The following LZTFL1 variants were observed in gnomAD, a reference collection of about 807,000 sequenced individuals.
LZTFL1 encodes the protein leucine zipper transcription factor-like protein 1.
Under a neutral mutation model 45.9 loss-of-function variants are expected in LZTFL1, and 25 were observed. That is an observed-to-expected ratio of 0.54 (90% CI 0.40 to 0.76). The LOEUF (loss-of-function observed/expected upper bound fraction) is 0.76. LZTFL1 is among the 30% of genes least tolerant of loss of function. LZTFL1 has a pLI of 0.00. For synonymous variants in LZTFL1, 93 were observed against 117.4 expected, an observed-to-expected ratio of 0.79 and a Z score of 1.35; for missense variants, 277 against 331.1, an observed-to-expected ratio of 0.84 and a Z score of 1.27.
intron 2 of LZTFL1, chr3:45,902,061 T>G: frequency 3.1e-6 from 2 of 654,278 alleles, no homozygotes; most frequent in Non-Finnish European, 5.2e-6. Context: ...AAAGCAAATA[T>G]TTCAAAATCA....
intron 2 of LZTFL1, among the ~76,000 whole-genome samples, chr3:45,912,046 C>T (rs973587042): frequency 7.0e-4 from 106 of 152,364 alleles, no homozygotes; most frequent in African/African-American, 2.5e-3. Flanking sequence ...CTGTGTCCAG[C>T]GTCTTTGTCA....
intron 2 of LZTFL1, among the ~76,000 whole-genome samples, chr3:45,890,253 T>TTATAAATATATATATATATTTA (rs1702106618): frequency 5.8e-4 from 1 of 1,716 alleles, no homozygotes; most frequent in East Asian, 0.083. Flanking sequence ...GCCCTGGGTA[T>TTATAAATATATATATATATTTA]TAGAAATATA....
At chr3:45,908,726 A>C (rs938752613) in intron 2 of LZTFL1, among the ~76,000 whole-genome samples, 1 of 152,192 alleles carries the variant, frequency 6.6e-6, no homozygotes, top group Non-Finnish European at 1.5e-5. Context: ...GTGTCCATGC[A>C]TGCAATTGGT....
At chr3:45,887,125 C>A (rs1048377715) in intron 2 of LZTFL1, among the ~76,000 whole-genome samples, 4 of 152,058 alleles carry the variant, frequency 2.6e-5, no homozygotes, top group African/African-American at 9.7e-5. Flanking sequence ...AGCAGCCATC[C>A]AATTCTATGA....
chr3:45,853,122 G>A (rs781075088), intron 4 of LZTFL1, among the ~76,000 whole-genome samples: 25 of 152,328 alleles, frequency 1.6e-4, no homozygotes, highest in Non-Finnish European at 3.4e-4. Flanking sequence ...TTTACCTGTG[G>A]TCGATTAATT....
intron 2 of LZTFL1, among the ~76,000 whole-genome samples, chr3:45,865,560 A>G (rs1259440612): frequency 6.6e-6 from 1 of 152,260 alleles, no homozygotes; most frequent in Non-Finnish European, 1.5e-5. Flanking sequence ...TAGGAAAGGG[A>G]TGGAATAAAA....
At chr3:45,860,184 C>A (rs1156767952) in intron 2 of LZTFL1, among the ~76,000 whole-genome samples, 3 of 151,958 alleles carry the variant, frequency 2.0e-5, no homozygotes, top group Non-Finnish European at 4.4e-5. Context: ...TGCACTCCAT[C>A]CTGGGCGACA....
chr3:45,849,329 T>C (rs146574085), intron 4 of LZTFL1, among the ~76,000 whole-genome samples: 49 of 152,296 alleles, frequency 3.2e-4, no homozygotes, highest in Middle Eastern at 3.4e-3. Context: ...CGGGCACCAA[T>C]ACCTGAAACA....
In LZTFL1 at chr3:45,901,861, T is replaced by C. The variant is rs1229619751; in HGVS notation, c.-215+11259A>G. ...GAGGGAAGCTTGAAGCTGTCGTCTATGTTGCTGGAGACAACCTCAGGAGCA... is the reference window on the plus strand; with the variant it reads ...GAGGGAAGCTTGAAGCTGTCGTCTACGTTGCTGGAGACAACCTCAGGAGCA... On this transcript the variant is annotated intron_variant, in intron 2 of 4. Coordinates refer to the LZTFL1 transcript ENST00000472635. The surrounding 1 kb of genome is among the most constrained non-coding windows in gnomAD (Gnocchi z 4.3). 6.2e-7 allele frequency: 1 copy of C among 1,609,434 alleles called. No homozygotes were observed. The highest frequency in any genetic ancestry group is 8.5e-7 in the Non-Finnish European group (1 of 1,176,308).
chr3:45,856,597 C>G (rs2125705868), intron 3 of LZTFL1, among the ~76,000 whole-genome samples: 1 of 152,176 alleles, frequency 6.6e-6, no homozygotes, highest in East Asian at 1.9e-4. Flanking sequence ...GAACAGACAA[C>G]CTACAAGATG....
chr3:45,836,995 G>A (rs1275167228), intron 2 of LZTFL1, among the ~76,000 whole-genome samples: 3 of 152,126 alleles, frequency 2.0e-5, no homozygotes, highest in Admixed American at 6.5e-5. Context: ...AGCAGATGAA[G>A]AGCAGCTACC....
At chr3:45,861,155 A>G (rs1219837194) in intron 2 of LZTFL1, among the ~76,000 whole-genome samples, 1 of 151,808 alleles carries the variant, frequency 6.6e-6, no homozygotes, top group African/African-American at 2.4e-5. Context: ...TAGTATCAGT[A>G]CAGAGACTGC....
chr3:45,897,999 A>T (rs540135578), intron 2 of LZTFL1, among the ~76,000 whole-genome samples: 1 of 150,530 alleles, frequency 6.6e-6, no homozygotes, highest in Non-Finnish European at 1.5e-5. Context: ...AAAAACACAC[A>T]AAACACAAAA....
At chr3:45,865,576 C>T (rs948888733) in intron 2 of LZTFL1, among the ~76,000 whole-genome samples, 2 of 152,186 alleles carry the variant, frequency 1.3e-5, no homozygotes, top group African/African-American at 2.4e-5. Flanking sequence ...TAAAAGGGAA[C>T]GTTCACTTTT....
At chr3:45,828,164 A>T (rs1700716071) in intron 8 of LZTFL1, among the ~76,000 whole-genome samples, 1 of 152,162 alleles carries the variant, frequency 6.6e-6, no homozygotes, top group African/African-American at 2.4e-5. Context: ...ACATGGTGGG[A>T]TGTAGGGCAG....
At chr3:45,907,383 G>A (rs62245101) in intron 2 of LZTFL1, among the ~76,000 whole-genome samples, 2 of 152,082 alleles carry the variant, frequency 1.3e-5, no homozygotes, top group Non-Finnish European at 2.9e-5. Context: ...TGCTCCACCA[G>A]CGGCCCTCGC....
intron 2 of LZTFL1, among the ~76,000 whole-genome samples, chr3:45,877,474 T>A (rs1377002612): frequency 2.0e-5 from 3 of 152,034 alleles, no homozygotes; most frequent in African/African-American, 7.2e-5. Context: ...CCTCAGGTGA[T>A]CCGCCTGCCT....
intron 2 of LZTFL1, among the ~76,000 whole-genome samples, chr3:45,903,553 C>A (rs375602682): frequency 2.0e-5 from 3 of 152,218 alleles, no homozygotes; most frequent in Non-Finnish European, 4.4e-5. Flanking sequence ...TCCATTCCAA[C>A]GCCATCCCTT....
chr3:45,858,258 A>G lies in LZTFL1; in HGVS notation c.-138+682T>C, dbSNP rs535110669. On this transcript the variant is annotated intron_variant, in intron 3 of 4. Transcript: ENST00000472635. ...ATCAAGAAAAAGCATCTCATGCTTCACAAGGTTATTTTGTGTTGCTCTTCC... is the reference window on the plus strand; with the variant it reads ...ATCAAGAAAAAGCATCTCATGCTTCGCAAGGTTATTTTGTGTTGCTCTTCC... Among the ~76,000 whole-genome samples the G allele has an allele frequency of 6.6e-5, 10 of 152,336 alleles. No individual in the cohort carries two copies. In the South Asian group the frequency reaches 2.1e-3, roughly 32 times the overall value.
Sources: allele counts gnomAD v4.1 joint callset (sites outside exome capture counted in the v4.1 genomes callset), GRCh38; gene constraint gnomAD v4.1.1; non-coding constraint Gnocchi (gnomAD v3.1); transcripts MANE v1.5; gene names NCBI Gene and HGNC (gene_info 2026-07-23, HGNC 2026-07-21).